NELL2: variants seen among roughly 807,000 people sequenced by gnomAD.
The protein encoded by NELL2 is protein kinase C-binding protein NELL2.
In NELL2, 41 loss-of-function variants were observed where a neutral mutation model predicts 109.6. The observed-to-expected ratio is 0.37, with a 90% confidence interval of 0.29 to 0.49. NELL2 has a LOEUF of 0.49. NELL2 is among the 20% of genes least tolerant of loss of function. The pLI is 0.98. For synonymous variants in NELL2, 355 were observed against 344.7 expected, an observed-to-expected ratio of 1.03 and a Z score of -0.33; for missense variants, 900 against 1,008.3, an observed-to-expected ratio of 0.89 and a Z score of 1.45.
chr12:44,599,137 G>C (rs1455550823), intron 15 of NELL2, among the ~76,000 whole-genome samples: 3 of 152,114 alleles, frequency 2.0e-5, no homozygotes, highest in Non-Finnish European at 4.4e-5. Flanking sequence ...TTTCCCTGGA[G>C]GGAAAAGATC....
upstream of NELL2, among the ~76,000 whole-genome samples, chr12:44,878,278 C>T (rs1014604982): frequency 6.6e-6 from 1 of 152,110 alleles, no homozygotes; most frequent in Non-Finnish European, 1.5e-5. Context: ...CTAGTTGAAC[C>T]TGCTACTGTA....
intron 15 of NELL2, among the ~76,000 whole-genome samples, chr12:44,574,413 A>G (rs1003200272): frequency 6.6e-6 from 1 of 152,216 alleles, no homozygotes; most frequent in Non-Finnish European, 1.5e-5. Flanking sequence ...TTCATCTTTG[A>G]CATCAAGGAC....
intron 14 of NELL2, among the ~76,000 whole-genome samples, chr12:44,607,806 G>A (rs1260702703): frequency 6.6e-6 from 1 of 152,038 alleles, no homozygotes; most frequent in Non-Finnish European, 1.5e-5. Context: ...GGTCTTCAGG[G>A]AGACTCTTAA....
At chr12:44,592,996 C>G (rs1308925137) in intron 15 of NELL2, among the ~76,000 whole-genome samples, 1 of 152,152 alleles carries the variant, frequency 6.6e-6, no homozygotes, top group Non-Finnish European at 1.5e-5. Context: ...CTGCTACAAA[C>G]TGTTTGTATG....
At chr12:44,841,445 T>C (rs922008875) in intron 2 of NELL2, among the ~76,000 whole-genome samples, 4 of 152,204 alleles carry the variant, frequency 2.6e-5, no homozygotes, top group Admixed American at 6.5e-5. Flanking sequence ...CCTTCCACTA[T>C]ATGAAACTAT....
intron 15 of NELL2, among the ~76,000 whole-genome samples, chr12:44,544,300 T>C (rs1942702864): frequency 6.6e-6 from 1 of 152,182 alleles, no homozygotes; most frequent in African/African-American, 2.4e-5. Context: ...TGTCTGAAAT[T>C]GATCAATTAA....
chr12:44,918,513 ATGTATGTGTGTGTGTGTGTGTGTGTG>A (rs1403555357), upstream of NELL2, among the ~76,000 whole-genome samples: 1 of 121,310 alleles, frequency 8.2e-6, no homozygotes, highest in African/African-American at 3.1e-5. Context: ...TCATGCATGC[ATGTATGTGTGTGTGTGTGTGTGTGTG>A]TGTGTGTGTG....
At chr12:44,878,974 G>A (rs73281087), upstream of NELL2, among the ~76,000 whole-genome samples, 2 of 152,124 alleles carry the variant, frequency 1.3e-5, no homozygotes, top group Non-Finnish European at 2.9e-5. Context: ...TGTTAATCAG[G>A]TAACCTTAAA....
chr12:44,876,352 C>A, upstream of NELL2: 4 of 1,205,006 alleles, frequency 3.3e-6, no homozygotes. Flanking sequence ...GAGACTGCTC[C>A]TCCGGGGAGG....
chr12:44,874,119 C>T (rs1317842141), intron 2 of NELL2, among the ~76,000 whole-genome samples: 1 of 152,118 alleles, frequency 6.6e-6, no homozygotes, highest in Non-Finnish European at 1.5e-5. Flanking sequence ...GCAACAACAC[C>T]ACTACAGAAA....
chr12:44,865,197 G>A lies in NELL2; in HGVS notation c.184+10028C>T, dbSNP rs1283636508. 5.5e-3 allele frequency among the ~76,000 whole-genome samples: 579 copies of A among 105,778 alleles called. 2 individuals carry two copies. The highest frequency in any genetic ancestry group is 0.02 in the African/African-American group (540 of 27,346). The allele number at this position is 105,778 out of a possible 152,430, so 69.4% of individuals were successfully genotyped here. On this transcript the variant is annotated intron_variant, in intron 2 of 19. Coordinates refer to ENST00000429094, the MANE Select transcript of NELL2 (RefSeq NM_001145108.2). Reference sequence around the variant, plus strand: ...TGAGAAGTGTCTGTTCATGTCCTTCGCCCACTTTTTGATGGGGTTGTTTGT... The same window carrying A: ...TGAGAAGTGTCTGTTCATGTCCTTCACCCACTTTTTGATGGGGTTGTTTGT...
chr12:44,543,526 G>A (rs1178082801), intron 15 of NELL2, among the ~76,000 whole-genome samples: 2 of 152,128 alleles, frequency 1.3e-5, no homozygotes, highest in South Asian at 2.1e-4. Flanking sequence ...AATTTTAGGA[G>A]GGAAGTGTCT....
intron 15 of NELL2, among the ~76,000 whole-genome samples, chr12:44,588,082 T>C (rs10785508): frequency 0.85 from 127,826 of 151,262 alleles, 54,280 homozygotes; most frequent in East Asian, 1. Context: ...ACCCGGGAGG[T>C]GGAGGTTGCA....
At chr12:44,569,971 T>A (rs145856612) in intron 15 of NELL2, among the ~76,000 whole-genome samples, 1 of 152,284 alleles carries the variant, frequency 6.6e-6, no homozygotes, top group East Asian at 1.9e-4. Flanking sequence ...CTCTATAAAT[T>A]TCCTACTGAC....
At chr12:44,877,320 T>C (rs1302914510), upstream of NELL2, among the ~76,000 whole-genome samples, 2 of 152,232 alleles carry the variant, frequency 1.3e-5, no homozygotes, top group Non-Finnish European at 2.9e-5. Flanking sequence ...AGATCCATTT[T>C]TCAGCAGGCA....
chr12:44,828,929 C>G (rs1348341157), intron 2 of NELL2, among the ~76,000 whole-genome samples: 1 of 152,078 alleles, frequency 6.6e-6, no homozygotes, highest in East Asian at 1.9e-4. Context: ...AATAAGTATT[C>G]TGATTTAGTT....
intron 15 of NELL2, among the ~76,000 whole-genome samples, chr12:44,583,826 G>A (rs941007587): frequency 6.6e-6 from 1 of 152,202 alleles, no homozygotes; most frequent in Non-Finnish European, 1.5e-5. Flanking sequence ...AGGCTGGAGT[G>A]CAGTGGCACA....
intron 12 of NELL2, among the ~76,000 whole-genome samples, chr12:44,681,752 A>AT (rs1948516356): frequency 1.3e-5 from 2 of 152,058 alleles, no homozygotes; most frequent in South Asian, 4.1e-4. Context: ...TGAACTCATC[A>AT]TTTTTTATGG....
intron 1 of NELL2, among the ~76,000 whole-genome samples, chr12:44,920,608 T>A (rs991754084): frequency 6.6e-6 from 1 of 152,220 alleles, no homozygotes; most frequent in African/African-American, 2.4e-5. Flanking sequence ...TTAAAGCTCA[T>A]CTACTGCCCA....
Sources: allele counts gnomAD v4.1 joint callset (sites outside exome capture counted in the v4.1 genomes callset), GRCh38; gene constraint gnomAD v4.1.1; transcripts MANE v1.5; gene names NCBI Gene and HGNC (gene_info 2026-07-23, HGNC 2026-07-21).